Variants in BMP2 observed in about 807,000 individuals in gnomAD.
BMP2 encodes the protein bone morphogenetic protein 2, also known as bone morphogenetic protein 2A.
A neutral mutation model predicts 28.8 loss-of-function variants in BMP2; 2 were observed. The ratio of observed to expected loss-of-function variants is 0.07; its 90% CI spans 0.03 to 0.22. The LOEUF (loss-of-function observed/expected upper bound fraction) is 0.22, where lower values mean the gene tolerates loss of function less well. Among genes scored for constraint, BMP2 ranks in the 10% least tolerant of loss-of-function variants. BMP2 has a pLI of 1.00. For missense variants in BMP2, 437 were observed against 517.7 expected, an observed-to-expected ratio of 0.84 and a Z score of 1.51; for synonymous variants, 218 against 204.3, an observed-to-expected ratio of 1.07 and a Z score of -0.57.
At position 6,778,684 on chromosome 20, in the gene BMP2, A is replaced by G. The variant is rs1168200875; in HGVS notation, c.786A>G (p.Pro262=). The change falls in exon 3 of 3, where the codon CCA becomes CCG. Residue 262 remains proline (P), a synonymous_variant. Coordinates refer to ENST00000378827, the MANE Select transcript of BMP2 (RefSeq NM_001200.4). The surrounding 1 kb of genome is among the most constrained non-coding windows in gnomAD (Gnocchi z 5.0). ...QDEHSWSQIR[P]LLVTFGHDGK... Reference sequence around the variant, plus strand: ...AACACAGCTGGTCACAGATAAGGCCATTGCTAGTAACTTTTGGCCATGATG... The same window carrying G: ...AACACAGCTGGTCACAGATAAGGCCGTTGCTAGTAACTTTTGGCCATGATG... 2 of 1,614,148 alleles carry G rather than the reference A, an allele frequency of 1.2e-6. No individual in the cohort carries two copies. Among genetic ancestry groups the G allele is most frequent in the Non-Finnish European group, 1.7e-6 (2 of 1,180,018 alleles).
chr20:6,771,424 T>C (rs1302017521), intron 2 of BMP2, among the ~76,000 whole-genome samples: 1 of 152,220 alleles, frequency 6.6e-6, no homozygotes, highest in African/African-American at 2.4e-5. Flanking sequence ...GTTTCTTCAA[T>C]TCCTAGAAAA....
At chr20:6,769,527 C>A (rs1387199710) in intron 1 of BMP2, among the ~76,000 whole-genome samples, 1 of 151,926 alleles carries the variant, frequency 6.6e-6, no homozygotes, top group East Asian at 1.9e-4. Context: ...TTTCGAGACA[C>A]CCCTGAGGGT....
At chr20:6,773,686 T>C (rs978711781) in intron 2 of BMP2, among the ~76,000 whole-genome samples, 1 of 152,198 alleles carries the variant, frequency 6.6e-6, no homozygotes, top group African/African-American at 2.4e-5. Context: ...GCCATTCCCT[T>C]GTTGTATTTT....
At position 6,778,962 on chromosome 20, in the gene BMP2, A is replaced by G; in HGVS notation, c.1064A>G (p.Lys355Arg). Residue 355 changes from lysine (K) to arginine (R), a missense_variant, in exon 3 of 3, where the codon AAG becomes AGG. Lys to Arg is a conservative substitution (Grantham distance 26). Transcript: ENST00000378827. This position sits in a 1 kb window ranked among gnomAD's most constrained non-coding sequence, Gnocchi z 5.0. ...ACGTTGGTCAACTCTGTTAACTCTA[A>G]GATTCCTAAGGCATGCTGTGTCCCG... ...VQTLVNSVNS[K>R]IPKACCVPTE... 6.2e-7 allele frequency: 1 copy of G among 1,613,998 alleles called. No homozygotes were observed. The highest frequency in any genetic ancestry group is 8.5e-7 in the Non-Finnish European group (1 of 1,179,990).
chr20:6,768,974 A>G, intron 1 of BMP2, 99 bp downstream of exon 1: 1 of 397,528 alleles, frequency 2.5e-6, no homozygotes, highest in Non-Finnish European at 4.4e-6. Context: ...GGCCAGAAGT[A>G]AACAGACCCC....
intron 1 of BMP2, among the ~76,000 whole-genome samples, chr20:6,769,612 GGTGTGTGTGTGT>G (rs61071559): frequency 5.0e-5 from 7 of 139,902 alleles, no homozygotes; most frequent in African/African-American, 1.6e-4. Flanking sequence ...AAGCTATAAG[GGTGTGTGTGTGT>G]GTGTGTGTGT....
chr20:6,774,057 A>C (rs1986452254), intron 2 of BMP2, among the ~76,000 whole-genome samples: 1 of 152,112 alleles, frequency 6.6e-6, no homozygotes, highest in African/African-American at 2.4e-5. Context: ...TTTTCTGCTC[A>C]TTTCTGTCTG....
In BMP2 at chr20:6,779,111, A is replaced by T. The variant is rs765413220; in HGVS notation, c.*22A>T. 86 of 1,024,122 alleles carry T rather than the reference A, an allele frequency of 8.4e-5. 1 individual carries two copies. The highest frequency in any genetic ancestry group is 1.7e-4 in the South Asian group (5 of 29,760). The allele number at this position is 1,024,122 out of a possible 1,614,324, so 63.4% of individuals were successfully genotyped here. On this transcript the variant is annotated 3_prime_UTR_variant, in exon 3 of 3. Transcript: ENST00000378827. Reference sequence around the variant, plus strand: ...CTAGTACAGCAAAATTAAATACATAAATATATATATATATATATATTTTAG... The same window carrying T: ...CTAGTACAGCAAAATTAAATACATATATATATATATATATATATATTTTAG...
At chr20:6,777,329 A>G (rs3819804) in intron 2 of BMP2, among the ~76,000 whole-genome samples, 27,814 of 152,046 alleles carry the variant, frequency 0.18, 3,031 homozygotes, top group East Asian at 0.35. Flanking sequence ...GGAGATCATA[A>G]TCATATTTTT....
In BMP2 at chr20:6,776,041, G is replaced by A. The variant is rs542162227; in HGVS notation, c.347-2204G>A. Among the ~76,000 whole-genome samples the A allele has an allele frequency of 8.3e-4, 126 of 152,212 alleles. 1 individual carries two copies. In the South Asian group the frequency reaches 0.022, roughly 27 times the overall value. On this transcript the variant is annotated intron_variant, in intron 2 of 2. Transcript: ENST00000378827. ...TGGCTTTGGTGTCATTGGGGTCTGAGGTTGCTGACTTTTACCTTCTCTGCT... is the reference window on the plus strand; with the variant it reads ...TGGCTTTGGTGTCATTGGGGTCTGAAGTTGCTGACTTTTACCTTCTCTGCT...
At position 6,779,111 on chromosome 20, in the gene BMP2, AATATATAT is replaced by A; in HGVS notation, c.*35_*42del. ...CTAGTACAGCAAAATTAAATACATA[AATATATAT>A]ATATATATATATTTTAGAAAAAAGA... is the stretch of plus-strand genomic sequence containing the variant. On this transcript the variant is annotated 3_prime_UTR_variant, in exon 3 of 3. Coordinates refer to ENST00000378827, the MANE Select transcript of BMP2 (RefSeq NM_001200.4). 9.8e-7 allele frequency: 1 copy of A among 1,024,014 alleles called. No individual in the cohort carries two copies. The highest frequency in any genetic ancestry group is 1.3e-6 in the Non-Finnish European group (1 of 792,564). 63.4% of individuals were successfully genotyped at this position (1,024,014 alleles called of 1,614,324 possible). A position where few individuals can be genotyped will look rare whatever the true frequency, so the allele number is the denominator to read the frequency against.
At chr20:6,771,600 G>C (rs1160605836) in intron 2 of BMP2, among the ~76,000 whole-genome samples, 1 of 152,190 alleles carries the variant, frequency 6.6e-6, no homozygotes, top group African/African-American at 2.4e-5. Flanking sequence ...TTTTCTCCCA[G>C]TGTGAAGGGT....
Position 6,770,809 on chromosome 20 carries a change from GA to G in BMP2, c.346+341del, listed in dbSNP as rs1209619168. ...TAAACGTGCAAGAATTCCACAGAGG[GA>G]AAAGGAGAAAAAGGGAGGCAGATTG... On this transcript the variant is annotated intron_variant, in intron 2 of 2. Transcript: ENST00000378827. Among the ~76,000 whole-genome samples, 12 of 152,256 alleles carry G rather than the reference GA, an allele frequency of 7.9e-5. No individual in the cohort carries two copies. The East Asian group carries it at 2.1e-3, about 27-fold the overall frequency.
chr20:6,776,908 A>T (rs1986512283), intron 2 of BMP2, among the ~76,000 whole-genome samples: 1 of 152,240 alleles, frequency 6.6e-6, no homozygotes. Flanking sequence ...ACAACTGTAA[A>T]ATTAATAAAA....
intron 2 of BMP2, among the ~76,000 whole-genome samples, chr20:6,776,179 T>C (rs908645670): frequency 6.6e-6 from 1 of 152,136 alleles, no homozygotes; most frequent in Non-Finnish European, 1.5e-5. Context: ...CAGGTTCAAA[T>C]GGTCAGAAGG....
In BMP2 at chr20:6,768,626, A is replaced by T. The variant is rs1372102813; in HGVS notation, c.-257A>T. 1 of 395,978 alleles carries T rather than the reference A, an allele frequency of 2.5e-6. No individual in the cohort carries two copies. The highest frequency in any genetic ancestry group is 4.4e-5 in the Admixed American group (1 of 22,642). 24.5% of individuals were successfully genotyped at this position (395,978 alleles called of 1,614,324 possible). A position where few individuals can be genotyped will look rare whatever the true frequency, so the allele number is the denominator to read the frequency against. Reference sequence around the variant, plus strand: ...CACTTTGCGCCGGTGCCTTTGCCCCAGCGGAGCCTGCTTCGCCATCTCCGA... The same window carrying T: ...CACTTTGCGCCGGTGCCTTTGCCCCTGCGGAGCCTGCTTCGCCATCTCCGA... On this transcript the variant is annotated 5_prime_UTR_variant, in exon 1 of 3. Coordinates refer to ENST00000378827, the MANE Select transcript of BMP2 (RefSeq NM_001200.4).
chr20:6,770,270 G>A lies in BMP2; in HGVS notation c.144G>A (p.Glu48=). 1 of 1,613,022 alleles carries A rather than the reference G, an allele frequency of 6.2e-7. No individual in the cohort carries two copies. The highest frequency in any genetic ancestry group is 8.5e-7 in the Non-Finnish European group (1 of 1,179,698). Residue 48 remains glutamate, a synonymous_variant, in exon 2 of 3, where the codon GAG becomes GAA. Coordinates refer to ENST00000378827, the MANE Select transcript of BMP2 (RefSeq NM_001200.4). Reference sequence around the variant, plus strand: ...GCCCCTCATCCCAGCCCTCTGACGAGGTCCTGAGCGAGTTCGAGTTGCGGC... The same window carrying A: ...GCCCCTCATCCCAGCCCTCTGACGAAGTCCTGAGCGAGTTCGAGTTGCGGC... The part of the protein sequence containing the change: ...SGRPSSQPSD[E]VLSEFELRLL...
Position 6,779,165 on chromosome 20 carries a change from A to C in BMP2, c.*76A>C. 1.4e-6 allele frequency: 1 copy of C among 712,460 alleles called. No individual in the cohort carries two copies. Among genetic ancestry groups the C allele is most frequent in the Non-Finnish European group, 1.8e-6 (1 of 541,930 alleles). The allele number at this position is 712,460 out of a possible 1,614,324, so 44.1% of individuals were successfully genotyped here. A position where few individuals can be genotyped will look rare whatever the true frequency, so the allele number is the denominator to read the frequency against. The stretch of plus-strand genomic sequence containing the variant: ...AAAGAAAAAAACAAACAAACAAAAA[A>C]ACCCCACCCCAGTTGACACTTTAAT... On this transcript the variant is annotated 3_prime_UTR_variant, in exon 3 of 3. Transcript: ENST00000378827.
intron 1 of BMP2, 107 bp downstream of exon 1, chr20:6,768,982 C>G (rs1394762163): frequency 2.5e-6 from 1 of 397,128 alleles, no homozygotes; most frequent in Non-Finnish European, 4.4e-6. Context: ...GTAAACAGAC[C>G]CCTCTCCAGT....
Sources: gnomAD v4.1 joint callset for allele counts (sites outside exome capture counted in the v4.1 genomes callset) on GRCh38, gnomAD v4.1.1 for gene constraint, Gnocchi (gnomAD v3.1) non-coding constraint, MANE v1.5 for transcripts, NCBI Gene and HGNC (gene_info 2026-07-23, HGNC 2026-07-21) for gene names.